The following LITAF variants were observed in gnomAD, a reference collection of about 807,000 sequenced individuals.
LITAF encodes the protein lipopolysaccharide-induced tumor necrosis factor-alpha factor.
In LITAF, 9 loss-of-function variants were observed where a neutral mutation model predicts 14.5. That is an observed-to-expected ratio of 0.62 (90% CI 0.37 to 1.08). The LOEUF (loss-of-function observed/expected upper bound fraction) is 1.08, where lower values mean the gene tolerates loss of function less well. LITAF is among the 50% of genes least tolerant of loss of function. The pLI, the probability that LITAF is intolerant of heterozygous loss-of-function variation, is 0.01. For missense variants in LITAF, 206 were observed against 213.4 expected (o/e 0.97, Z 0.22); for synonymous variants, 98 against 88.2 (o/e 1.11, Z -0.62).
rs1390403739 is a variant in LITAF at position 11,553,852 on chromosome 16, G to C, written c.221-163C>G. 1 of 751,302 alleles carries C rather than the reference G, an allele frequency of 1.3e-6. No homozygotes were observed. The highest frequency in any genetic ancestry group is 2.2e-6 in the Non-Finnish European group (1 of 451,150). The allele number at this position is 751,302 out of a possible 1,614,324, so 46.5% of individuals were successfully genotyped here. ...GTCTGGCTATCTATGAGAGCCAAAA[G>C]GGGAAGGAACACCAGTGTCCATCGA... On this transcript the variant is annotated intron_variant, in intron 2 of 3. Transcript: ENST00000622633. The surrounding 1 kb of genome is among the most constrained non-coding windows in gnomAD (Gnocchi z 7.7).
chr16:11,576,928 A>T (rs2064645894), intron 1 of LITAF, among the ~76,000 whole-genome samples: 1 of 152,232 alleles, frequency 6.6e-6, no homozygotes, highest in Non-Finnish European at 1.5e-5. Flanking sequence ...AAAATTCCAG[A>T]AAACAGCAAT....
chr16:11,583,348 C>T (rs1408836771), intron 1 of LITAF, among the ~76,000 whole-genome samples: 3 of 152,178 alleles, frequency 2.0e-5, no homozygotes, highest in Non-Finnish European at 4.4e-5. Context: ...TGCTCCCCCA[C>T]AATCAGAGTG....
Position 11,586,229 on chromosome 16 carries a change from G to C in LITAF, c.-6+657C>G, listed in dbSNP as rs374282727. 6.6e-6 allele frequency: 1 copy of C among 152,242 alleles called. No individual in the cohort carries two copies. The highest frequency in any genetic ancestry group is 2.4e-5 in the African/African-American group (1 of 41,438). 9.4% of individuals were successfully genotyped at this position (152,242 alleles called of 1,614,324 possible). On this transcript the variant is annotated intron_variant, in intron 1 of 3. Transcript: ENST00000622633. The surrounding 1 kb of genome is among the most constrained non-coding windows in gnomAD (Gnocchi z 6.5). ...GTAAGAGGACCCCTGCGCTCGCGGG[G>C]TGCCCGCCTTACCCCGCGGGGAGGG... is the stretch of plus-strand genomic sequence containing the variant.
At chr16:11,566,264 A>G (rs35673271) in intron 1 of LITAF, among the ~76,000 whole-genome samples, 53,457 of 151,972 alleles carry the variant, frequency 0.35, 9,836 homozygotes, top group Non-Finnish European at 0.4. Flanking sequence ...GGGCCAAAAC[A>G]TTATGGGTGC....
chr16:11,625,981 C>G (rs943148232), intron 3 of LITAF, among the ~76,000 whole-genome samples: 3 of 152,120 alleles, frequency 2.0e-5, no homozygotes, highest in African/African-American at 7.2e-5. Context: ...GGCCACACAG[C>G]TGAACAGTGG....
intron 1 of LITAF, among the ~76,000 whole-genome samples, chr16:11,566,389 A>G (rs2064451242): frequency 1.3e-5 from 2 of 152,174 alleles, no homozygotes; most frequent in Non-Finnish European, 1.5e-5. Flanking sequence ...CAAGTTGGTC[A>G]CTCTGGTACT....
At chr16:11,606,462 C>A (rs1171205068) in intron 3 of LITAF, among the ~76,000 whole-genome samples, 1 of 152,080 alleles carries the variant, frequency 6.6e-6, no homozygotes, top group Non-Finnish European at 1.5e-5. Context: ...AGCCACCTCG[C>A]CTGGCCAGAA....
At chr16:11,619,477 G>A (rs1220132403) in intron 3 of LITAF, among the ~76,000 whole-genome samples, 1 of 152,160 alleles carries the variant, frequency 6.6e-6, no homozygotes, top group Admixed American at 6.6e-5. Flanking sequence ...CTCTTCAGGG[G>A]TCATGCAAGA....
chr16:11,616,396 G>C lies in LITAF; in HGVS notation c.85+17137C>G, dbSNP rs145503074. 6.0e-3 allele frequency among the ~76,000 whole-genome samples: 918 copies of C among 152,066 alleles called. 12 individuals are homozygous for C. Among genetic ancestry groups the C allele is most frequent in the African/African-American group, 0.02 (849 of 41,468 alleles). On this transcript the variant is annotated intron_variant, in intron 3 of 3. Coordinates refer to the LITAF transcript ENST00000574848. ...GAAGGCTGAGGTGGGAGGATTGCTT[G>C]AGGCTAGGAGGTTGAGGCTGCAGTG...
upstream of LITAF, chr16:11,587,211 T>C: frequency 2.8e-6 from 1 of 354,118 alleles, no homozygotes; most frequent in Non-Finnish European, 5.6e-6. Context: ...CCCCTGCCTC[T>C]CGGTGCCAGC....
intron 3 of LITAF, among the ~76,000 whole-genome samples, chr16:11,621,991 C>G (rs2065053907): frequency 1.3e-5 from 2 of 152,190 alleles, no homozygotes; most frequent in African/African-American, 4.8e-5. Context: ...TCTGAGGGTT[C>G]ATTGCCAGCT....
chr16:11,573,701 CTTTTTTTT>C (rs58695999), intron 1 of LITAF, among the ~76,000 whole-genome samples: 2 of 111,936 alleles, frequency 1.8e-5, no homozygotes, highest in African/African-American at 7.0e-5. Context: ...AGAAGATATC[CTTTTTTTT>C]TTTTTTTTTT....
intron 1 of LITAF, among the ~76,000 whole-genome samples, chr16:11,596,803 C>T (rs1326742997): frequency 7.4e-5 from 6 of 80,932 alleles, no homozygotes; most frequent in African/African-American, 2.2e-4. Context: ...GGGGAAGGGA[C>T]AGGAGGAAAG....
chr16:11,631,700 C>A (rs765907311), intron 3 of LITAF, among the ~76,000 whole-genome samples: 1 of 151,966 alleles, frequency 6.6e-6, no homozygotes, highest in East Asian at 1.9e-4. Context: ...ACCACACGGA[C>A]GCCTTCTCTC....
chr16:11,587,169 G>C, upstream of LITAF: 1 of 282,352 alleles, frequency 3.5e-6, no homozygotes, highest in Non-Finnish European at 7.2e-6. Flanking sequence ...CGCCTGGCGC[G>C]GACCTGGTGT....
chr16:11,614,298 C>CTTTTTTT (rs34958536), intron 3 of LITAF, among the ~76,000 whole-genome samples: 2 of 134,940 alleles, frequency 1.5e-5, no homozygotes, highest in Non-Finnish European at 3.1e-5. Context: ...TTTTTCTTTT[C>CTTTTTTT]TTTTTTTTTT....
intron 1 of LITAF, among the ~76,000 whole-genome samples, chr16:11,571,419 C>T (rs2064539916): frequency 6.6e-6 from 1 of 152,304 alleles, no homozygotes; most frequent in African/African-American, 2.4e-5. Context: ...GGCTCCAGAA[C>T]TGGAAGATAC....
intron 1 of LITAF, among the ~76,000 whole-genome samples, chr16:11,580,879 C>T (rs1278821262): frequency 6.6e-6 from 1 of 152,190 alleles, no homozygotes; most frequent in Admixed American, 6.5e-5. Flanking sequence ...ATCCTCTTGC[C>T]TCAGCCTCCA....
intron 1 of LITAF, among the ~76,000 whole-genome samples, chr16:11,567,759 C>T (rs763292136): frequency 2.6e-5 from 4 of 151,896 alleles, no homozygotes; most frequent in South Asian, 2.1e-4. Context: ...CCGAGGTGGG[C>T]GGATCACTGG....
Sources: allele counts gnomAD v4.1 joint callset (sites outside exome capture counted in the v4.1 genomes callset), GRCh38; gene constraint gnomAD v4.1.1; non-coding constraint Gnocchi (gnomAD v3.1); transcripts MANE v1.5; gene names NCBI Gene and HGNC (gene_info 2026-07-23, HGNC 2026-07-21).